Variants in DOCK6 observed in about 807,000 individuals in gnomAD.
The protein encoded by DOCK6 is dedicator of cytokinesis 6.
Under a neutral mutation model 230.3 loss-of-function variants are expected in DOCK6, and 167 were observed. The ratio of observed to expected loss-of-function variants is 0.73; its 90% CI spans 0.64 to 0.82. The LOEUF is 0.82. DOCK6 is among the 40% of genes least tolerant of loss of function. DOCK6 has a pLI of 0.00. For missense variants in DOCK6, 2,598 were observed against 2,825.8 expected (o/e 0.92, Z 1.83); for synonymous variants, 1,148 against 1,185.0 (o/e 0.97, Z 0.64).
chr19:11,207,228 C>G (rs1443806768), intron 39 of DOCK6, among the ~76,000 whole-genome samples: 3 of 152,130 alleles, frequency 2.0e-5, no homozygotes, highest in African/African-American at 7.2e-5. Flanking sequence ...AGGTTTCACT[C>G]TGTCACATAG....
chr19:11,231,849 C>A (rs561758457), intron 22 of DOCK6, among the ~76,000 whole-genome samples: 1 of 152,256 alleles, frequency 6.6e-6, no homozygotes, highest in East Asian at 1.9e-4. Context: ...CTTTGAGAGT[C>A]CCATCATCAG....
chr19:11,252,761 G>A (rs1171446538), intron 3 of DOCK6, 22 bp downstream of exon 3: 1 of 1,599,060 alleles, frequency 6.3e-7, no homozygotes, highest in Middle Eastern at 1.9e-4. Context: ...CACAGGCAGA[G>A]AGGGCGTGGG....
Position 11,237,487 on chromosome 19 carries a change from G to A in DOCK6, c.2042C>T (p.Pro681Leu), listed in dbSNP as rs779324155. 7 of 1,613,438 alleles carry A rather than the reference G, an allele frequency of 4.3e-6. No homozygotes were observed. The highest frequency in any genetic ancestry group is 1.1e-5 in the South Asian group (1 of 91,068). ...TGTGAGCACGGAATAGCTGGGCGGC[G>A]GCTGGTCCACAGACACTGGGAGACA... Reference protein sequence around the residue: ...PFCLPVSVDQPPPSYSVLTPD... With the variant: ...PFCLPVSVDQLPPSYSVLTPD... Residue 681 changes from proline (P) to leucine (L), a missense_variant, in exon 18 of 48, where the codon CCG becomes CTG. Transcript: ENST00000294618.
Position 11,253,693 on chromosome 19 carries a change from G to A in DOCK6, c.78C>T (p.Ser26=). 6.8e-7 allele frequency: 1 copy of A among 1,472,430 alleles called. No individual in the cohort carries two copies. Among genetic ancestry groups the A allele is most frequent in the Non-Finnish European group, 8.9e-7 (1 of 1,119,472 alleles). The allele number at this position is 1,472,430 out of a possible 1,614,324, so 91.2% of individuals were successfully genotyped here. Residue 26 remains serine, a synonymous_variant, in exon 2 of 48, where the codon TCC becomes TCT. Transcript: ENST00000294618. ...TVAAEVRKQV[S]RERSGSPHSS... ...AGTGGGGGGAGCCACTGCGTTCCCG[G>A]GACACCTGCTTCCGCACCTCTGCGG...
In DOCK6 at chr19:11,201,914, CGA is replaced by C; in HGVS notation, c.5661_5662del (p.Arg1888HisfsTer40). 1 of 1,573,816 alleles carries C rather than the reference CGA, an allele frequency of 6.4e-7. No homozygotes were observed. ...CTCCTCCCGGTGGCACACACGGATGCGAGTCTTGATGTAGGGGAAGGCGTGGT... is the reference window on the plus strand; with the variant it reads ...CTCCTCCCGGTGGCACACACGGATGCGTCTTGATGTAGGGGAAGGCGTGGT... On this transcript the variant is annotated frameshift_variant, in exon 44 of 48. Coordinates refer to ENST00000294618, the MANE Select transcript of DOCK6 (RefSeq NM_020812.4). LOFTEE classifies it high-confidence loss of function. The surrounding 1 kb of genome is among the most constrained non-coding windows in gnomAD (Gnocchi z 4.3).
chr19:11,215,545 G>T, intron 31 of DOCK6, 74 bp from the exon 32 acceptor site: 1 of 1,458,480 alleles, frequency 6.9e-7, no homozygotes, highest in Non-Finnish European at 9.5e-7. Flanking sequence ...GAAATGCACA[G>T]GCATGAAGAT....
intron 6 of DOCK6, among the ~76,000 whole-genome samples, chr19:11,250,536 C>T (rs1420701588): frequency 1.3e-5 from 2 of 152,048 alleles, no homozygotes; most frequent in Non-Finnish European, 2.9e-5. Context: ...TCTTGAACTC[C>T]TGGCCTCAAG....
At position 11,202,433 on chromosome 19, in the gene DOCK6, G is replaced by A; in HGVS notation, c.5412C>T (p.Asp1804=). Residue 1804 remains aspartate (D), a synonymous_variant, in exon 43 of 48, where the codon GAC becomes GAT. Transcript: ENST00000294618. The surrounding 1 kb of genome is among the most constrained non-coding windows in gnomAD (Gnocchi z 5.3). ...FGDDVVEIIK[D]SNPVDKSKLD... The stretch of plus-strand genomic sequence containing the variant: ...GCTTGGACTTGTCCACAGGGTTAGA[G>A]TCTTTGATAATCTCAACGACGTCGT... 1 of 1,613,824 alleles carries A rather than the reference G, an allele frequency of 6.2e-7. No individual in the cohort carries two copies. Among genetic ancestry groups the A allele is most frequent in the Non-Finnish European group, 8.5e-7 (1 of 1,179,822 alleles).
At chr19:11,248,208 G>C (rs958100383) in intron 6 of DOCK6, 57 bp from the exon 7 acceptor site, 22 of 1,404,724 alleles carry the variant, frequency 1.6e-5, no homozygotes, top group Non-Finnish European at 2.1e-5. Flanking sequence ...CCTCCAGGAA[G>C]GGTCTGGAAT....
chr19:11,234,527 A>G (rs1480371462), intron 21 of DOCK6, among the ~76,000 whole-genome samples: 1 of 151,162 alleles, frequency 6.6e-6, no homozygotes, highest in Non-Finnish European at 1.5e-5. Context: ...AAAAAATCCA[A>G]CTCTATTGAG....
At position 11,222,982 on chromosome 19, in the gene DOCK6, C is replaced by T; in HGVS notation, c.3069+11G>A. 6.2e-7 allele frequency: 1 copy of T among 1,613,798 alleles called. No individual in the cohort carries two copies. Among genetic ancestry groups the T allele is most frequent in the Non-Finnish European group, 8.5e-7 (1 of 1,179,804 alleles). ...CCATGCCATGCCCACCCTGCCCACG[C>T]CCACTCCTACCTGCTTGTAGTGGGC... On this transcript the variant is annotated intron_variant, in intron 25 of 47. Transcript: ENST00000294618. The surrounding 1 kb of genome is among the most constrained non-coding windows in gnomAD (Gnocchi z 4.0).
In DOCK6 at chr19:11,236,993, G is replaced by A. The variant is rs1215890671; in HGVS notation, c.2074-114C>T. The A allele has an allele frequency of 3.6e-6, 4 of 1,105,548 alleles. No individual in the cohort carries two copies. The highest frequency in any genetic ancestry group is 1.5e-5 in the South Asian group (1 of 64,936). The allele number at this position is 1,105,548 out of a possible 1,614,324, so 68.5% of individuals were successfully genotyped here. A position where few individuals can be genotyped will look rare whatever the true frequency, so the allele number is the denominator to read the frequency against. ...CGTGAGTGTAGCCCGGTCTGGGGGT[G>A]CAGCCAAGCACCCTGCCCCCAGCCC... On this transcript the variant is annotated intron_variant, in intron 18 of 47. Coordinates refer to ENST00000294618, the MANE Select transcript of DOCK6 (RefSeq NM_020812.4). The surrounding 1 kb of genome is among the most constrained non-coding windows in gnomAD (Gnocchi z 5.2).
chr19:11,250,826 G>A (rs1326238647), intron 6 of DOCK6, 48 bp downstream of exon 6: 2 of 1,556,218 alleles, frequency 1.3e-6, no homozygotes, highest in East Asian at 4.5e-5. Flanking sequence ...GTATACAATA[G>A]GCACCCAGTA....
chr19:11,221,744 A>G, intron 28 of DOCK6, 107 bp downstream of exon 28: 3 of 1,537,526 alleles, frequency 2.0e-6, no homozygotes, highest in Non-Finnish European at 2.7e-6. Context: ...GCTAATCCTA[A>G]TGTCTATACT....
Position 11,237,660 on chromosome 19 carries a change from TC to T in DOCK6, c.1951del (p.Glu651ArgfsTer17). 2 of 1,598,014 alleles carry T rather than the reference TC, an allele frequency of 1.3e-6. No homozygotes were observed. The highest frequency in any genetic ancestry group is 2.3e-5 in the South Asian group (2 of 88,386). Reference protein sequence around the residue: ...SCQPRPGTALETPVGFTWIPL... With the variant: ...SCQPRPGTALXTPVGFTWIPL... ...GCTCACAGTAAAGCCCACGGGTGTC[TC>T]CAGGGCAGTGCCCGGCCGGGGCTGG... On this transcript the variant is annotated frameshift_variant, in exon 17 of 48. Transcript: ENST00000294618. LOFTEE classifies it high-confidence loss of function.
At chr19:11,240,146 T>A in intron 14 of DOCK6, 1 of 1,551,750 alleles carries the variant, frequency 6.4e-7, no homozygotes, top group Non-Finnish European at 8.7e-7. Context: ...TGGAGGAGGA[T>A]ATTCTGCAGC....
At chr19:11,253,093 G>A (rs776202854) in intron 2 of DOCK6, 135 bp from the exon 3 acceptor site, 38 of 875,050 alleles carry the variant, frequency 4.3e-5, no homozygotes, top group Non-Finnish European at 5.7e-5. Flanking sequence ...TTGGAGTTAC[G>A]GAGGAACCAT....
chr19:11,223,435 G>A (rs1377722026), intron 24 of DOCK6, among the ~76,000 whole-genome samples: 2 of 152,168 alleles, frequency 1.3e-5, no homozygotes, highest in Non-Finnish European at 2.9e-5. Flanking sequence ...AATGGGATTT[G>A]AGGGGAAAGT....
chr19:11,247,394 A>T (rs2080051936), intron 7 of DOCK6: 1 of 152,232 alleles, frequency 6.6e-6, no homozygotes, highest in Non-Finnish European at 1.5e-5. Flanking sequence ...GTGCCCGGCC[A>T]ATAAGTGTTT....
Sources: allele counts gnomAD v4.1 joint callset (sites outside exome capture counted in the v4.1 genomes callset), GRCh38; gene constraint gnomAD v4.1.1; non-coding constraint Gnocchi (gnomAD v3.1); transcripts MANE v1.5; gene names NCBI Gene and HGNC (gene_info 2026-07-23, HGNC 2026-07-21).